Variants in ELF4 observed in about 807,000 individuals in gnomAD.
The protein encoded by ELF4 is E74 like ETS transcription factor 4.
A neutral mutation model predicts 31.7 loss-of-function variants in ELF4; 10 were observed. That is an observed-to-expected ratio of 0.32 (90% CI 0.19 to 0.54). The LOEUF (loss-of-function observed/expected upper bound fraction) is 0.54, where lower values mean the gene tolerates loss of function less well. ELF4 is among the 20% of genes least tolerant of loss of function. ELF4 has a pLI of 0.95. For missense variants in ELF4, 418 were observed against 522.0 expected, an observed-to-expected ratio of 0.80 and a Z score of 1.94; for synonymous variants, 208 against 226.7, an observed-to-expected ratio of 0.92 and a Z score of 0.74.
Position 130,081,493 on chromosome X carries a change from G to T in ELF4, c.-163C>A. 1.8e-6 allele frequency: 1 copy of T among 563,360 alleles called. No homozygotes were observed. Among genetic ancestry groups the T allele is most frequent in the Non-Finnish European group, 3.0e-6 (1 of 335,484 alleles). 46.4% of individuals were successfully genotyped at this position (563,360 alleles called of 1,213,427 possible). A position where few individuals can be genotyped will look rare whatever the true frequency, so the allele number is the denominator to read the frequency against. ...AGAGCTGGAGTAGGTGGTGGCCTAA[G>T]CCAGGCTCAAGGCTGCATTCTGGGC... On this transcript the variant is annotated 5_prime_UTR_variant, in exon 2 of 9. Coordinates refer to ENST00000308167, the MANE Select transcript of ELF4 (RefSeq NM_001421.4).
chrX:130,073,090 T>C (rs1932802448), intron 4 of ELF4, among the ~76,000 whole-genome samples: 1 of 111,188 alleles, frequency 9.0e-6, no homozygotes, highest in African/African-American at 3.3e-5. Flanking sequence ...ATTTCTTTAT[T>C]TTATTTATTT....
chrX:130,071,498 G>A lies in ELF4; in HGVS notation c.533-79C>T, dbSNP rs935505498. 3 of 1,010,645 alleles carry A rather than the reference G, an allele frequency of 3.0e-6. No homozygotes were observed. In the African/African-American group the frequency reaches 5.6e-5, roughly 19 times the overall value. 83.3% of individuals were successfully genotyped at this position (1,010,645 alleles called of 1,213,427 possible). A position where few individuals can be genotyped will look rare whatever the true frequency, so the allele number is the denominator to read the frequency against. The stretch of plus-strand genomic sequence containing the variant: ...AGCTGGCCAAGTTGGCTGTGACAAA[G>A]CCAACAAGGAGGAGGCAGGTCACCA... On this transcript the variant is annotated intron_variant, in intron 5 of 8. Coordinates refer to ENST00000308167, the MANE Select transcript of ELF4 (RefSeq NM_001421.4).
intron 1 of ELF4, among the ~76,000 whole-genome samples, chrX:130,098,318 G>A (rs1379421570): frequency 2.7e-5 from 3 of 112,286 alleles, no homozygotes; most frequent in Admixed American, 9.5e-5. Flanking sequence ...TGCTGCTAAG[G>A]AAGCTAACTT....
chrX:130,067,324 G>A lies in ELF4; in HGVS notation c.1389C>T (p.Phe463=). Residue 463 remains phenylalanine, a synonymous_variant, in exon 9 of 9, where the codon TTC becomes TTT. Coordinates refer to ENST00000308167, the MANE Select transcript of ELF4 (RefSeq NM_001421.4). ...FKDTFTLQAS[F]PLNASFQDSQ... Reference sequence around the variant, plus strand: ...TGTCTTGGAAACTGGCGTTCAGGGGGAAAGAGGCCTGCAAAGTGAAGGTGT... The same window carrying A: ...TGTCTTGGAAACTGGCGTTCAGGGGAAAAGAGGCCTGCAAAGTGAAGGTGT... 5.8e-6 allele frequency: 7 copies of A among 1,212,391 alleles called. No homozygotes were observed. The highest frequency in any genetic ancestry group is 7.8e-6 in the Non-Finnish European group (7 of 895,634).
Position 130,072,420 on chromosome X carries a change from G to T in ELF4, c.341-3C>A. 1.7e-6 allele frequency: 2 copies of T among 1,211,978 alleles called. No individual in the cohort carries two copies. The highest frequency in any genetic ancestry group is 2.2e-6 in the Non-Finnish European group (2 of 895,409). On this transcript the variant is annotated splice_region_variant and splice_polypyrimidine_tract_variant and intron_variant, in intron 4 of 8. Transcript: ENST00000308167. ...TGGAAGCATTTCGGAGGTACTGACT[G>T]CAAGAAGAAAGACCTGAGGTGGGCG...
At chrX:130,102,877 AGAGAGAG>A (rs1933294390) in intron 1 of ELF4, among the ~76,000 whole-genome samples, 4 of 51,135 alleles carry the variant, frequency 7.8e-5, no homozygotes, top group Non-Finnish European at 7.0e-5. Context: ...AGAGAGAGAG[AGAGAGAG>A]AGAAAGAAAG....
intron 7 of ELF4, among the ~76,000 whole-genome samples, chrX:130,070,569 C>T (rs754418441): frequency 6.8e-5 from 7 of 103,252 alleles, no homozygotes; most frequent in South Asian, 4.3e-4. Context: ...AGCAAGACTC[C>T]GTCTCAAAAT....
At chrX:130,084,560 G>T (rs1023689793) in intron 1 of ELF4, among the ~76,000 whole-genome samples, 4 of 111,853 alleles carry the variant, frequency 3.6e-5, no homozygotes, top group Non-Finnish European at 7.5e-5. Context: ...TTGCTGCCTC[G>T]GGATTGTGAG....
chrX:130,101,796 T>C (rs1227927039), intron 1 of ELF4, among the ~76,000 whole-genome samples: 1 of 76,852 alleles, frequency 1.3e-5, no homozygotes, highest in African/African-American at 7.6e-5. Context: ...GGAAACTCCG[T>C]CTCAAAAAAC....
At chrX:130,083,192 C>G in intron 1 of ELF4, among the ~76,000 whole-genome samples, 1 of 105,729 alleles carries the variant, frequency 9.5e-6, no homozygotes, top group Middle Eastern at 4.7e-3. Flanking sequence ...TCCCTTTGGA[C>G]GAGTGAGAGG....
At chrX:130,085,997 T>G (rs1221160014) in intron 1 of ELF4, among the ~76,000 whole-genome samples, 1 of 111,973 alleles carries the variant, frequency 8.9e-6, no homozygotes, top group Non-Finnish European at 1.9e-5. Context: ...ATATCCAGTC[T>G]GTAGTCCTGA....
At chrX:130,104,987 C>T (rs1444192640) in intron 1 of ELF4, among the ~76,000 whole-genome samples, 3 of 96,646 alleles carry the variant, frequency 3.1e-5, no homozygotes, top group Non-Finnish European at 6.1e-5. Flanking sequence ...GGTGAAACCC[C>T]GTCTTTACTA....
intron 1 of ELF4, among the ~76,000 whole-genome samples, chrX:130,093,043 T>C (rs759842289): frequency 4.5e-5 from 5 of 110,492 alleles, no homozygotes; most frequent in Non-Finnish European, 9.5e-5. Flanking sequence ...CCGGGTGTGA[T>C]GGCTCATGCC....
chrX:130,084,783 A>G (rs1932937240), intron 1 of ELF4, among the ~76,000 whole-genome samples: 1 of 111,631 alleles, frequency 9.0e-6, no homozygotes, highest in Non-Finnish European at 1.9e-5. Context: ...AGGTGGAGAG[A>G]GGCTCATTTG....
intron 2 of ELF4, among the ~76,000 whole-genome samples, chrX:130,078,265 C>T (rs1049167194): frequency 1.8e-5 from 2 of 109,218 alleles, no homozygotes; most frequent in East Asian, 3.0e-4. Context: ...AGGCTGGTCT[C>T]GAACTGCTGA....
At chrX:130,068,545 T>A (rs1031285558) in intron 8 of ELF4, among the ~76,000 whole-genome samples, 7 of 112,173 alleles carry the variant, frequency 6.2e-5, no homozygotes, top group Non-Finnish European at 1.1e-4. Context: ...CGAAAGGGTG[T>A]CTCACTGTGC....
At chrX:130,091,226 A>C in intron 1 of ELF4, among the ~76,000 whole-genome samples, 1 of 111,037 alleles carries the variant, frequency 9.0e-6, no homozygotes, top group African/African-American at 3.3e-5. Context: ...CAGGAGTTTG[A>C]GACCAGCCTG....
At position 130,072,382 on chromosome X, in the gene ELF4, C is replaced by T. The variant is rs781565329; in HGVS notation, c.376G>A (p.Ala126Thr). 3 of 1,210,731 alleles carry T rather than the reference C, an allele frequency of 2.5e-6. No homozygotes were observed. The African/African-American group carries it at 5.2e-5, about 21-fold the overall frequency. ...TAGTTGGGCAGAGTGACAGCTGGTGCAGGGTCCGAGTCTGGAAGCATTTCG... is the reference window on the plus strand; with the variant it reads ...TAGTTGGGCAGAGTGACAGCTGGTGTAGGGTCCGAGTCTGGAAGCATTTCG... ...TSEMLPDSDPAPAVTLPNYLF... is the reference protein window; with the variant it reads ...TSEMLPDSDPTPAVTLPNYLF... The change falls in exon 5 of 9, where the codon GCA becomes ACA. Residue 126 changes from alanine to threonine, a missense_variant. Around this residue, in one of 4 missense-constraint regions of ELF4, gnomAD observed 88 missense variants for 92.4 expected, o/e 0.95. Transcript: ENST00000308167.
intron 1 of ELF4, among the ~76,000 whole-genome samples, chrX:130,104,046 T>C (rs751520733): frequency 9.0e-6 from 1 of 111,597 alleles, no homozygotes; most frequent in South Asian, 3.8e-4. Flanking sequence ...AGTCAGCCAG[T>C]TGGCTCCCAG....
Sources: allele counts gnomAD v4.1 joint callset (sites outside exome capture counted in the v4.1 genomes callset), GRCh38; gene constraint gnomAD v4.1.1; regional missense constraint gnomAD v4.1.1; transcripts MANE v1.5; gene names NCBI Gene and HGNC (gene_info 2026-07-23, HGNC 2026-07-21).